The following TMEM132C variants were observed in gnomAD, a reference collection of about 807,000 sequenced individuals.
TMEM132C encodes transmembrane protein 132C.
TMEM132C carries 29 observed loss-of-function variants against 61.4 expected under a neutral mutation model. That is an observed-to-expected ratio of 0.47 (90% CI 0.35 to 0.64). The LOEUF is 0.64. Ranked by LOEUF, TMEM132C falls within the 30% of genes least tolerant of loss-of-function variation. The pLI, the probability that TMEM132C is intolerant of heterozygous loss-of-function variation, is 0.00. For missense variants in TMEM132C, 1,408 were observed against 1,476.9 expected, an observed-to-expected ratio of 0.95 and a Z score of 0.76; for synonymous variants, 656 against 633.1, an observed-to-expected ratio of 1.04 and a Z score of -0.54.
At position 128,444,819 on chromosome 12, in the gene TMEM132C, GA is replaced by G. The variant is rs199729486; in HGVS notation, c.974+29201del. 3.5e-3 allele frequency among the ~76,000 whole-genome samples: 530 copies of G among 152,284 alleles called. 1 individual carries two copies. Among genetic ancestry groups the G allele is most frequent in the African/African-American group, 0.012 (516 of 41,550 alleles). On this transcript the variant is annotated intron_variant, in intron 2 of 8. Transcript: ENST00000435159. ...CTCTGTTCCCTCTCTGATTGCACTC[GA>G]ATGCTGTTTCTGCAATTAACTCTGT...
chr12:128,477,724 C>T (rs1871195622), intron 2 of TMEM132C, among the ~76,000 whole-genome samples: 1 of 152,150 alleles, frequency 6.6e-6, no homozygotes, highest in Non-Finnish European at 1.5e-5. Flanking sequence ...GGATTATAGG[C>T]ACCCGCCGTC....
At chr12:128,643,703 CAT>C (rs1954175142) in intron 4 of TMEM132C, among the ~76,000 whole-genome samples, 1 of 152,126 alleles carries the variant, frequency 6.6e-6, no homozygotes, top group Non-Finnish European at 1.5e-5. Flanking sequence ...TAATATAAAA[CAT>C]GTTATTGTTT....
intron 2 of TMEM132C, among the ~76,000 whole-genome samples, chr12:128,530,840 T>A (rs957332997): frequency 1.3e-5 from 2 of 152,196 alleles, no homozygotes; most frequent in African/African-American, 4.8e-5. Context: ...CATGAAATAA[T>A]TAGGAAGTGC....
rs534910182 is a variant in TMEM132C at position 128,373,619 on chromosome 12, A to G, written c.86-41113A>G. 2.0e-5 allele frequency among the ~76,000 whole-genome samples: 3 copies of G among 152,342 alleles called. No individual in the cohort carries two copies. In the South Asian group the frequency reaches 6.2e-4, roughly 32 times the overall value. ...GGATGTTCAGTGGACCGTGGGGCACAGAAGGTCAGCACCAGGCACCACTGG... is the reference window on the plus strand; with the variant it reads ...GGATGTTCAGTGGACCGTGGGGCACGGAAGGTCAGCACCAGGCACCACTGG... On this transcript the variant is annotated intron_variant, in intron 1 of 8. Coordinates refer to ENST00000435159, the MANE Select transcript of TMEM132C (RefSeq NM_001136103.3).
At chr12:128,562,640 C>T (rs888550078) in intron 3 of TMEM132C, among the ~76,000 whole-genome samples, 10 of 152,156 alleles carry the variant, frequency 6.6e-5, no homozygotes, top group African/African-American at 2.4e-4. Flanking sequence ...AATACTTCAC[C>T]GGCTGCCTGG....
intron 1 of TMEM132C, among the ~76,000 whole-genome samples, chr12:128,368,653 C>T (rs1842136755): frequency 1.3e-5 from 2 of 152,192 alleles, no homozygotes; most frequent in Admixed American, 1.3e-4. Flanking sequence ...CACTTCTGGC[C>T]TTGGAGGAAC....
At chr12:128,690,578 G>A (rs1470231368) in intron 5 of TMEM132C, among the ~76,000 whole-genome samples, 9 of 152,166 alleles carry the variant, frequency 5.9e-5, no homozygotes, top group Non-Finnish European at 1.0e-4. Context: ...TCAATGGTCT[G>A]TAAATTACAA....
At chr12:128,534,645 C>T (rs973074526) in intron 2 of TMEM132C, among the ~76,000 whole-genome samples, 5 of 152,348 alleles carry the variant, frequency 3.3e-5, no homozygotes, top group African/African-American at 9.6e-5. Flanking sequence ...CAGTGTTTAC[C>T]GCCCACTTCC....
chr12:128,271,082 C>A (rs972467705), intron 1 of TMEM132C, among the ~76,000 whole-genome samples: 5 of 151,754 alleles, frequency 3.3e-5, no homozygotes, highest in Non-Finnish European at 7.4e-5. Flanking sequence ...GGTGAAACCC[C>A]ATCTCTACTA....
intron 5 of TMEM132C, among the ~76,000 whole-genome samples, chr12:128,693,381 C>T (rs1258046977): frequency 6.6e-6 from 1 of 152,220 alleles, no homozygotes; most frequent in African/African-American, 2.4e-5. Context: ...AGCTGCAGTT[C>T]TGTACAAGTT....
intron 1 of TMEM132C, among the ~76,000 whole-genome samples, chr12:128,369,546 A>G (rs1873967804): frequency 6.6e-6 from 1 of 152,214 alleles, no homozygotes; most frequent in Admixed American, 6.5e-5. Flanking sequence ...GGGCTGTTTA[A>G]CTGGGTACAG....
At chr12:128,437,311 A>T (rs1869634456) in intron 2 of TMEM132C, among the ~76,000 whole-genome samples, 1 of 148,290 alleles carries the variant, frequency 6.7e-6, no homozygotes, top group Admixed American at 6.6e-5. Flanking sequence ...AAATAAATAA[A>T]CAAACCACTG....
intron 2 of TMEM132C, among the ~76,000 whole-genome samples, chr12:128,447,148 G>T (rs984253091): frequency 2.6e-5 from 4 of 152,300 alleles, no homozygotes; most frequent in Non-Finnish European, 2.9e-5. Flanking sequence ...CCACTTGCTT[G>T]TAGCTGTTGT....
At chr12:128,282,186 C>A (rs186868271) in intron 1 of TMEM132C, among the ~76,000 whole-genome samples, 1 of 152,332 alleles carries the variant, frequency 6.6e-6, no homozygotes, top group Admixed American at 6.5e-5. Flanking sequence ...GTATTTCTTA[C>A]AAACAAGACA....
At chr12:128,670,300 C>G (rs1954519216) in intron 5 of TMEM132C, among the ~76,000 whole-genome samples, 1 of 152,158 alleles carries the variant, frequency 6.6e-6, no homozygotes, top group African/African-American at 2.4e-5. Flanking sequence ...CAGAGCGAGA[C>G]TCCATCTCAA....
chr12:128,563,075 A>G (rs1469752891), intron 3 of TMEM132C, among the ~76,000 whole-genome samples: 4 of 152,254 alleles, frequency 2.6e-5, no homozygotes, highest in Admixed American at 6.5e-5. Flanking sequence ...GTCATGTCCC[A>G]TGACAGAACA....
chr12:128,626,224 T>G lies in TMEM132C; in HGVS notation c.1305+9889T>G, dbSNP rs1170993327. Among the ~76,000 whole-genome samples the G allele has an allele frequency of 2.0e-5, 3 of 150,094 alleles. No individual in the cohort carries two copies. In the East Asian group the frequency reaches 5.8e-4, roughly 29 times the overall value. Reference sequence around the variant, plus strand: ...TCACTGCAACCTTCGCCTCCCAGGTTCAAGCAATTCTCGTGCCTCAGCCTC... The same window carrying G: ...TCACTGCAACCTTCGCCTCCCAGGTGCAAGCAATTCTCGTGCCTCAGCCTC... On this transcript the variant is annotated intron_variant, in intron 4 of 8. Coordinates refer to ENST00000435159, the MANE Select transcript of TMEM132C (RefSeq NM_001136103.3).
At chr12:128,340,844 T>C (rs1326159327) in intron 1 of TMEM132C, among the ~76,000 whole-genome samples, 2 of 135,284 alleles carry the variant, frequency 1.5e-5, no homozygotes, top group Non-Finnish European at 3.0e-5. Context: ...TCTCTCTCTT[T>C]CTCTCTTTCT....
intron 3 of TMEM132C, among the ~76,000 whole-genome samples, chr12:128,603,663 T>G (rs1034883062): frequency 2.0e-5 from 3 of 152,168 alleles, no homozygotes; most frequent in Admixed American, 6.5e-5. Context: ...GTTACATCTC[T>G]TTTCTTCCAC....
Sources: gnomAD v4.1 joint callset for allele counts (sites outside exome capture counted in the v4.1 genomes callset) on GRCh38, gnomAD v4.1.1 for gene constraint, MANE v1.5 for transcripts, NCBI Gene and HGNC (gene_info 2026-07-23, HGNC 2026-07-21) for gene names.